RGS13: variants seen among roughly 807,000 people sequenced by gnomAD.
RGS13 encodes regulator of G protein signaling 13.
In RGS13, 14 loss-of-function variants were observed where a neutral mutation model predicts 19.9. That is an observed-to-expected ratio of 0.70 (90% CI 0.46 to 1.10). The LOEUF is 1.10. RGS13 is among the 50% of genes least tolerant of loss of function. The pLI is 0.00. For synonymous variants in RGS13, 60 were observed against 56.8 expected (o/e 1.06, Z -0.25); for missense variants, 205 against 187.1 (o/e 1.10, Z -0.56).
intron 3 of RGS13, among the ~76,000 whole-genome samples, chr1:192,641,116 A>G (rs1486805231): frequency 6.6e-6 from 1 of 151,648 alleles, no homozygotes; most frequent in Non-Finnish European, 1.5e-5. Flanking sequence ...AGAGAAAGAG[A>G]GAAAGAAGGA....
At chr1:192,653,223 G>T (rs1251608845) in intron 5 of RGS13, among the ~76,000 whole-genome samples, 1 of 151,896 alleles carries the variant, frequency 6.6e-6, no homozygotes, top group African/African-American at 2.4e-5. Context: ...AAAAGATTTG[G>T]AATTCACGGG....
intron 5 of RGS13, among the ~76,000 whole-genome samples, chr1:192,652,940 T>C (rs1186491433): frequency 6.6e-6 from 1 of 151,984 alleles, no homozygotes; most frequent in Non-Finnish European, 1.5e-5. Flanking sequence ...ACTTGGGCAA[T>C]GGGAAATGTT....
chr1:192,653,680 T>C (rs1663384089), intron 5 of RGS13, among the ~76,000 whole-genome samples: 2 of 152,202 alleles, frequency 1.3e-5, no homozygotes, highest in South Asian at 4.1e-4. Context: ...CTATTAACTA[T>C]GAAAGAATAA....
intron 5 of RGS13, among the ~76,000 whole-genome samples, chr1:192,652,665 C>G (rs4603110): frequency 0.037 from 5,610 of 151,930 alleles, 194 homozygotes; most frequent in Admixed American, 0.11. Context: ...ATAAACCTGT[C>G]GTCTTTAGTG....
At chr1:192,643,758 T>C (rs1663166824) in intron 3 of RGS13, among the ~76,000 whole-genome samples, 3 of 152,096 alleles carry the variant, frequency 2.0e-5, no homozygotes, top group Admixed American at 6.6e-5. Context: ...GAGACCAACC[T>C]GGGCAATGTG....
At chr1:192,655,614 A>T (rs954166481) in intron 5 of RGS13, among the ~76,000 whole-genome samples, 1 of 152,104 alleles carries the variant, frequency 6.6e-6, no homozygotes, top group Non-Finnish European at 1.5e-5. Flanking sequence ...CAATGCTGAC[A>T]TAAACAGGAC....
chr1:192,643,212 A>AG (rs1365280130), intron 3 of RGS13, among the ~76,000 whole-genome samples: 1 of 152,086 alleles, frequency 6.6e-6, no homozygotes, highest in Non-Finnish European at 1.5e-5. Context: ...AGGACAGACA[A>AG]GATGTATATT....
At chr1:192,641,302 G>GAAAGAAAGAAAGAAAGA (rs1553257024) in intron 3 of RGS13, among the ~76,000 whole-genome samples, 1 of 125,214 alleles carries the variant, frequency 8.0e-6, no homozygotes, top group African/African-American at 2.8e-5. Context: ...AAGAAAGAAA[G>GAAAGAAAGAAAGAAAGA]AAAGAAAAGA....
chr1:192,644,236 A>T, intron 3 of RGS13, 95 bp from the exon 4 acceptor site: 3 of 851,406 alleles, frequency 3.5e-6, no homozygotes, highest in Middle Eastern at 3.6e-4. Flanking sequence ...CTTTTTTTTT[A>T]TGATTTATAA....
intron 5 of RGS13, among the ~76,000 whole-genome samples, chr1:192,654,289 T>G (rs893704499): frequency 6.6e-6 from 1 of 151,574 alleles, no homozygotes; most frequent in Non-Finnish European, 1.5e-5. Context: ...GACAACAATA[T>G]ATTTACACAT....
intron 4 of RGS13, chr1:192,646,094 T>C (rs1290372675): frequency 3.3e-5 from 5 of 152,180 alleles, no homozygotes; most frequent in Admixed American, 2.6e-4. Flanking sequence ...ATGACTCAGA[T>C]ACTATTTCAT....
chr1:192,660,179 T>C lies in RGS13; in HGVS notation c.*656T>C, dbSNP rs1663598884. On this transcript the variant is annotated 3_prime_UTR_variant, in exon 7 of 7. Coordinates refer to ENST00000391995, the MANE Select transcript of RGS13 (RefSeq NM_002927.5). ...ATTGCTATAAGGATATAAAATGTGG[T>C]TTCTATATTTTGAGATGTTTTTTCC... is the stretch of plus-strand genomic sequence containing the variant. 1 of 152,066 alleles carries C rather than the reference T, an allele frequency of 6.6e-6. No individual in the cohort carries two copies. The highest frequency in any genetic ancestry group is 1.5e-5 in the Non-Finnish European group (1 of 67,962). The allele number at this position is 152,066 out of a possible 1,614,324, so 9.4% of individuals were successfully genotyped here. A position where few individuals can be genotyped will look rare whatever the true frequency, so the allele number is the denominator to read the frequency against.
At chr1:192,644,305 T>C (rs369006327) in intron 3 of RGS13, 26 bp from the exon 4 acceptor site, 9 of 1,479,894 alleles carry the variant, frequency 6.1e-6, no homozygotes, top group Non-Finnish European at 7.5e-6. Context: ...GATTAAATTA[T>C]ACAAATATAT....
At chr1:192,645,356 CT>C (rs1663197147) in intron 4 of RGS13, 1 of 152,160 alleles carries the variant, frequency 6.6e-6, no homozygotes, top group South Asian at 2.1e-4. Flanking sequence ...TCATGGAAAG[CT>C]GCCAGATAAC....
intron 3 of RGS13, among the ~76,000 whole-genome samples, chr1:192,638,592 A>G (rs1663052843): frequency 6.6e-6 from 1 of 152,074 alleles, no homozygotes; most frequent in South Asian, 2.1e-4. Flanking sequence ...AAATCTTAGA[A>G]TACAGGCGGG....
intron 5 of RGS13, among the ~76,000 whole-genome samples, chr1:192,648,817 T>C (rs917664784): frequency 6.6e-6 from 1 of 152,136 alleles, no homozygotes; most frequent in Admixed American, 6.6e-5. Flanking sequence ...TTGGCTGTGC[T>C]ACTTACATGC....
chr1:192,643,593 C>T (rs1187493419), intron 3 of RGS13, among the ~76,000 whole-genome samples: 1 of 152,138 alleles, frequency 6.6e-6, no homozygotes, highest in Non-Finnish European at 1.5e-5. Context: ...TGGCTATTTA[C>T]ACTATTTTAC....
Position 192,659,820 on chromosome 1 carries a change from G to T in RGS13, c.*297G>T. 1 of 215,546 alleles carries T rather than the reference G, an allele frequency of 4.6e-6. No homozygotes were observed. The highest frequency in any genetic ancestry group is 1.3e-4 in the South Asian group (1 of 7,422). 13.4% of individuals were successfully genotyped at this position (215,546 alleles called of 1,614,324 possible). On this transcript the variant is annotated 3_prime_UTR_variant, in exon 7 of 7. Coordinates refer to ENST00000391995, the MANE Select transcript of RGS13 (RefSeq NM_002927.5). ...GTTTTTACTGTAGTAGTCAATTAATGGATATTTCCTTGTTAATAAAATTTT... is the reference window on the plus strand; with the variant it reads ...GTTTTTACTGTAGTAGTCAATTAATTGATATTTCCTTGTTAATAAAATTTT...
chr1:192,656,266 CT>C (rs928355264), intron 5 of RGS13, among the ~76,000 whole-genome samples: 8 of 152,100 alleles, frequency 5.3e-5, no homozygotes, highest in African/African-American at 1.9e-4. Context: ...CATTTTCTTT[CT>C]GTTCCATAGC....
Sources: gnomAD v4.1 joint callset for allele counts (sites outside exome capture counted in the v4.1 genomes callset) on GRCh38, gnomAD v4.1.1 for gene constraint, MANE v1.5 for transcripts, NCBI Gene and HGNC (gene_info 2026-07-23, HGNC 2026-07-21) for gene names.